DOCK2: variants seen among roughly 807,000 people sequenced by gnomAD.
DOCK2 encodes the protein dedicator of cytokinesis protein 2.
A neutral mutation model predicts 248.9 loss-of-function variants in DOCK2; 87 were observed. The observed-to-expected ratio is 0.35, with a 90% CI of 0.29 to 0.42. The LOEUF is 0.42. Among genes scored for constraint, DOCK2 ranks in the 10% least tolerant of loss-of-function variants. DOCK2 has a pLI of 1.00. For missense variants in DOCK2, 1,747 were observed against 2,300.2 expected (o/e 0.76, Z 4.92); for synonymous variants, 805 against 821.6 (o/e 0.98, Z 0.35).
chr5:169,903,365 CCCA>C (rs1774063572), intron 27 of DOCK2, among the ~76,000 whole-genome samples: 2 of 149,572 alleles, frequency 1.3e-5, no homozygotes, highest in Non-Finnish European at 3.0e-5. Context: ...GTGGTAAATA[CCCA>C]CCAAGAGGAA....
In DOCK2 at chr5:169,746,972, C is replaced by T. The variant is rs570153700; in HGVS notation, c.2268-424C>T. On this transcript the variant is annotated intron_variant, in intron 22 of 51. Coordinates refer to ENST00000520908, the MANE Select transcript of DOCK2 (RefSeq NM_004946.3). ...ATAAAACAGGTTGTTGGGGCTCATCCGACAAACAGACAATGGGTGGCGGAA... is the reference window on the plus strand; with the variant it reads ...ATAAAACAGGTTGTTGGGGCTCATCTGACAAACAGACAATGGGTGGCGGAA... Among the ~76,000 whole-genome samples the T allele has an allele frequency of 8.5e-5, 13 of 152,244 alleles. No homozygotes were observed. The East Asian group carries it at 1.7e-3, about 20-fold the overall frequency.
intron 44 of DOCK2, among the ~76,000 whole-genome samples, chr5:170,058,120 A>G (rs1299020253): frequency 6.6e-6 from 1 of 152,114 alleles, no homozygotes; most frequent in Non-Finnish European, 1.5e-5. Context: ...CAAATGTTTG[A>G]TCTCCCTTGT....
intron 25 of DOCK2, among the ~76,000 whole-genome samples, chr5:169,780,474 C>T (rs904340223): frequency 2.0e-4 from 30 of 152,174 alleles, no homozygotes; most frequent in African/African-American, 5.8e-4. Context: ...GGCAGGTTGA[C>T]GGTTTCCTCC....
intron 14 of DOCK2, among the ~76,000 whole-genome samples, chr5:169,706,095 G>C (rs1761247432): frequency 6.6e-6 from 1 of 152,234 alleles, no homozygotes; most frequent in Non-Finnish European, 1.5e-5. Context: ...TTTCTCTGAA[G>C]TGCTGAGGCC....
intron 27 of DOCK2, among the ~76,000 whole-genome samples, chr5:169,973,054 G>C (rs1777584061): frequency 6.6e-6 from 1 of 152,134 alleles, no homozygotes; most frequent in South Asian, 2.1e-4. Context: ...CATGATGTGA[G>C]AGACCTTCAC....
intron 34 of DOCK2, among the ~76,000 whole-genome samples, chr5:170,032,177 C>A (rs1410732502): frequency 6.6e-6 from 1 of 152,142 alleles, no homozygotes; most frequent in Non-Finnish European, 1.5e-5. Context: ...CAGGCGCCCA[C>A]TACCATGCCC....
At chr5:169,680,710 G>T (rs888504531) in intron 6 of DOCK2, among the ~76,000 whole-genome samples, 3 of 151,860 alleles carry the variant, frequency 2.0e-5, no homozygotes, top group African/African-American at 7.3e-5. Flanking sequence ...GACAGAGCAA[G>T]ACCCTGACTC....
chr5:170,015,942 C>T (rs904116244), intron 32 of DOCK2, among the ~76,000 whole-genome samples: 3 of 151,418 alleles, frequency 2.0e-5, no homozygotes, highest in African/African-American at 7.3e-5. Flanking sequence ...TTCCCTCCTT[C>T]CTTCTTGTTT....
intron 26 of DOCK2, among the ~76,000 whole-genome samples, chr5:169,804,878 C>T (rs996290074): frequency 6.6e-6 from 1 of 152,050 alleles, no homozygotes; most frequent in African/African-American, 2.4e-5. Flanking sequence ...GTATAATAAC[C>T]AAAAGCTTAG....
At chr5:169,674,575 C>A (rs981996723) in intron 6 of DOCK2, 130 bp downstream of exon 6, 11 of 1,395,796 alleles carry the variant, frequency 7.9e-6, no homozygotes, top group Non-Finnish European at 1.1e-5. Context: ...AGGTTGTGAC[C>A]AATGGCTGTG....
chr5:169,639,407 G>C (rs563427477), intron 1 of DOCK2, among the ~76,000 whole-genome samples: 14 of 152,112 alleles, frequency 9.2e-5, no homozygotes, highest in African/African-American at 3.1e-4. Context: ...TGTGACAAAG[G>C]GTGACAGAAA....
intron 25 of DOCK2, among the ~76,000 whole-genome samples, chr5:169,784,877 G>A (rs955738313): frequency 6.6e-6 from 1 of 152,152 alleles, no homozygotes; most frequent in Non-Finnish European, 1.5e-5. Flanking sequence ...CAATAGTGCA[G>A]GTGGAAATTA....
At chr5:170,032,502 G>A (rs1275983438) in intron 34 of DOCK2, among the ~76,000 whole-genome samples, 2 of 152,146 alleles carry the variant, frequency 1.3e-5, no homozygotes, top group African/African-American at 4.8e-5. Context: ...AGAACCTCAG[G>A]TCTGGCCAAG....
At chr5:169,825,994 G>T (rs140822152) in intron 26 of DOCK2, among the ~76,000 whole-genome samples, 47 of 151,840 alleles carry the variant, frequency 3.1e-4, no homozygotes, top group Admixed American at 2.6e-3. Flanking sequence ...AAGAGATGAC[G>T]TAGCACATCT....
At chr5:169,924,053 C>G (rs1277295758) in intron 27 of DOCK2, among the ~76,000 whole-genome samples, 1 of 152,142 alleles carries the variant, frequency 6.6e-6, no homozygotes, top group Non-Finnish European at 1.5e-5. Context: ...TTAGCTGATG[C>G]CCCTTGTCTC....
At chr5:169,700,898 GAGAA>G (rs1489467498) in intron 13 of DOCK2, among the ~76,000 whole-genome samples, 15 of 149,614 alleles carry the variant, frequency 1.0e-4, no homozygotes, top group Admixed American at 2.0e-4. Context: ...GAGAGAGAGA[GAGAA>G]AGAAAGGAAG....
intron 27 of DOCK2, among the ~76,000 whole-genome samples, chr5:169,950,498 T>C (rs896130004): frequency 1.1e-4 from 16 of 152,176 alleles, no homozygotes; most frequent in African/African-American, 3.9e-4. Context: ...GTTGAGAGGC[T>C]TGAGTTTTGG....
rs79881057 is a variant in DOCK2, at chr5:169,644,033, G to A, written c.43+6664G>A. 1.6e-3 allele frequency among the ~76,000 whole-genome samples: 240 copies of A among 152,250 alleles called. 3 individuals carry two copies. In the East Asian group the frequency reaches 0.038, roughly 24 times the overall value. On this transcript the variant is annotated intron_variant, in intron 1 of 51. Coordinates refer to ENST00000520908, the MANE Select transcript of DOCK2 (RefSeq NM_004946.3). ...TAGAACGAATAGCCAATATAAAGAG[G>A]AGGAAGCCTCTCTGATGTGTGGGAG...
intron 27 of DOCK2, among the ~76,000 whole-genome samples, chr5:169,901,592 A>G (rs1773929382): frequency 6.6e-6 from 1 of 152,320 alleles, no homozygotes; most frequent in African/African-American, 2.4e-5. Flanking sequence ...CAGGTAACAC[A>G]TGATGATGGC....
Sources: allele counts gnomAD v4.1 joint callset (sites outside exome capture counted in the v4.1 genomes callset), GRCh38; gene constraint gnomAD v4.1.1; transcripts MANE v1.5; gene names NCBI Gene and HGNC (gene_info 2026-07-23, HGNC 2026-07-21).